Variants in ATRX observed in about 807,000 individuals in gnomAD.
The protein encoded by ATRX is chromatin remodeler ATRX.
Under a neutral mutation model 172.6 loss-of-function variants are expected in ATRX, and 12 were observed. That is an observed-to-expected ratio of 0.07 (90% CI 0.04 to 0.11). The LOEUF is 0.11. Among genes scored for constraint, ATRX ranks in the 10% least tolerant of loss-of-function variants. The probability of loss-of-function intolerance (pLI) is 1.00; values close to 1 mark genes in which losing one functional copy is unlikely to be tolerated. For missense variants in ATRX, 1,368 were observed against 1,767.4 expected, an observed-to-expected ratio of 0.77 and a Z score of 4.05; for synonymous variants, 674 against 594.7, an observed-to-expected ratio of 1.13 and a Z score of -1.94.
chrX:77,698,692 A>G, intron 2 of ATRX, 63 bp from the exon 3 acceptor site: 2 of 939,569 alleles, frequency 2.1e-6, no homozygotes, highest in Admixed American at 2.2e-5. Flanking sequence ...CAGAACATCA[A>G]TACCTATAAC....
At chrX:77,539,560 TA>T (rs1239482230) in intron 30 of ATRX, among the ~76,000 whole-genome samples, 17 of 100,689 alleles carry the variant, frequency 1.7e-4, no homozygotes, top group East Asian at 3.1e-4. Context: ...ATGAATACGC[TA>T]AAAAAAAAAG....
chrX:77,586,074 C>G (rs1349433955), intron 27 of ATRX, among the ~76,000 whole-genome samples: 2 of 111,405 alleles, frequency 1.8e-5, no homozygotes, highest in Non-Finnish European at 3.8e-5. Context: ...CTAGTAATTG[C>G]TAGCACAACA....
At position 77,599,541 on chromosome X, in the gene ATRX, GCTA is replaced by G. The variant is rs781914158; in HGVS notation, c.5823_5825del (p.Ser1944del). ...CATTGTCACTGCCACTTCCACTTGA[GCTA>G]CTATCTTTTTTCCCCTTTTTCCCTT... On this transcript the variant is annotated inframe_deletion, in exon 25 of 35. Transcript: ENST00000373344. 1.7e-5 allele frequency: 21 copies of G among 1,209,704 alleles called. 1 individual carries two copies. In the East Asian group the frequency reaches 5.9e-4, roughly 34 times the overall value.
intron 1 of ATRX, among the ~76,000 whole-genome samples, chrX:77,726,588 G>A (rs368860765): frequency 3.6e-5 from 4 of 110,641 alleles, no homozygotes; most frequent in African/African-American, 6.6e-5. Context: ...AAACCTGCAC[G>A]TTGTGCACAT....
At chrX:77,632,285 C>T (rs1462879137) in intron 19 of ATRX, among the ~76,000 whole-genome samples, 1 of 110,847 alleles carries the variant, frequency 9.0e-6, no homozygotes, top group Non-Finnish European at 1.9e-5. Flanking sequence ...GTACACTAAG[C>T]ACCTGAAACT....
At chrX:77,720,782 T>C (rs2073716721) in intron 1 of ATRX, among the ~76,000 whole-genome samples, 2 of 111,734 alleles carry the variant, frequency 1.8e-5, no homozygotes, top group Admixed American at 1.9e-4. Flanking sequence ...TCTGAAACTA[T>C]TCCAAAAAAT....
intron 1 of ATRX, among the ~76,000 whole-genome samples, chrX:77,752,007 C>A (rs781996315): frequency 9.0e-6 from 1 of 110,701 alleles, no homozygotes; most frequent in South Asian, 3.7e-4. Context: ...GTAGTTTTTC[C>A]TAGTTCTGTG....
rs782695846 is a variant in ATRX at position 77,681,755 on chromosome X, CTTT to C, written c.3498_3500del (p.Lys1169del). On this transcript the variant is annotated inframe_deletion, in exon 9 of 35. Transcript: ENST00000373344. ...TTTTAGATGAAGTTCTTTGCTTCTT[CTTT>C]TTATTATCTTCAGAACTTTCCTCAG... The C allele has an allele frequency of 5.8e-6, 7 of 1,201,575 alleles. No individual in the cohort carries two copies. The South Asian group carries it at 1.3e-4, about 22-fold the overall frequency.
chrX:77,558,904 A>T (rs2147951306), intron 28 of ATRX, 58 bp from the exon 29 acceptor site: 1 of 973,411 alleles, frequency 1.0e-6, no homozygotes, highest in South Asian at 2.1e-5. Context: ...AAATATTTTA[A>T]TTACAATATG....
rs782418110 is a variant in ATRX, at chrX:77,682,867, A to T, written c.2389T>A (p.Ser797Thr). 2 of 1,209,249 alleles carry T rather than the reference A, an allele frequency of 1.7e-6. No individual in the cohort carries two copies. The highest frequency in any genetic ancestry group is 2.2e-6 in the Non-Finnish European group (2 of 894,877). ...TTAGAAATTATAGAGCTCTTAGCTG[A>T]TTTGCCCTTTTTAGTATCAAAATCT... ...GSDFDTKKGK[S>T]AKSSIISKKK... Residue 797 changes from serine (S) to threonine (T), a missense_variant, in exon 9 of 35, where the codon TCA becomes ACA. Physicochemically the swap from Ser to Thr is moderately conservative, Grantham distance 58 (BLOSUM62 1). This residue lies in a region of ATRX where 843 missense variants were observed against 643.1 expected (regional missense o/e 1.31). Coordinates refer to ENST00000373344, the MANE Select transcript of ATRX (RefSeq NM_000489.6).
intron 6 of ATRX, among the ~76,000 whole-genome samples, chrX:77,693,434 C>G (rs2072016751): frequency 8.9e-6 from 1 of 112,092 alleles, no homozygotes; most frequent in Non-Finnish European, 1.9e-5. Context: ...CCAACTAATA[C>G]TAATGCAGAT....
chrX:77,590,074 G>T, intron 26 of ATRX, 134 bp from the exon 27 acceptor site: 1 of 570,587 alleles, frequency 1.8e-6, no homozygotes, highest in Non-Finnish European at 2.8e-6. Flanking sequence ...ATTACAAGGT[G>T]ATTGTAAAAT....
chrX:77,582,348 C>A (rs782759941), intron 27 of ATRX, among the ~76,000 whole-genome samples: 1 of 105,837 alleles, frequency 9.4e-6, no homozygotes, highest in East Asian at 2.9e-4. Flanking sequence ...TGCAGTGAGC[C>A]GAGATTGCGC....
chrX:77,569,543 A>T (rs1557066321), intron 28 of ATRX, among the ~76,000 whole-genome samples: 3 of 112,162 alleles, frequency 2.7e-5, no homozygotes, highest in Non-Finnish European at 5.6e-5. Flanking sequence ...CCTAGAACAA[A>T]TGAAGTCAGC....
intron 1 of ATRX, among the ~76,000 whole-genome samples, chrX:77,748,494 T>C (rs1031648903): frequency 2.7e-5 from 3 of 112,351 alleles, no homozygotes; most frequent in Non-Finnish European, 5.6e-5. Context: ...CCTTTTGGTG[T>C]TCAAACCATA....
At chrX:77,761,817 T>C (rs2075726491) in intron 1 of ATRX, among the ~76,000 whole-genome samples, 1 of 111,282 alleles carries the variant, frequency 9.0e-6, no homozygotes, top group Non-Finnish European at 1.9e-5. Context: ...TTCTCCCACC[T>C]TCCTACCCAT....
At chrX:77,539,485 G>A (rs1317165522) in intron 30 of ATRX, among the ~76,000 whole-genome samples, 12 of 109,957 alleles carry the variant, frequency 1.1e-4, no homozygotes, top group Admixed American at 1.1e-3. Context: ...GAACATATAA[G>A]AGGTAGAATA....
At chrX:77,626,908 A>C (rs1329073692) in intron 19 of ATRX, among the ~76,000 whole-genome samples, 1 of 112,123 alleles carries the variant, frequency 8.9e-6, no homozygotes, top group Non-Finnish European at 1.9e-5. Context: ...GTTAGTACGG[A>C]TATCTGAAGA....
At chrX:77,742,901 A>C (rs1557182973) in intron 1 of ATRX, among the ~76,000 whole-genome samples, 4 of 111,444 alleles carry the variant, frequency 3.6e-5, no homozygotes. Context: ...CATTTTTGAA[A>C]CCTAAGCAGC....
Sources: gnomAD v4.1 joint callset for allele counts (sites outside exome capture counted in the v4.1 genomes callset) on GRCh38, gnomAD v4.1.1 for gene constraint, gnomAD v4.1.1 regional missense constraint, MANE v1.5 for transcripts, NCBI Gene and HGNC (gene_info 2026-07-23, HGNC 2026-07-21) for gene names.